The following ASAP2 variants were observed in gnomAD, a reference collection of about 807,000 sequenced individuals.
The protein encoded by ASAP2 is ArfGAP with SH3 domain, ankyrin repeat and PH domain 2.
In ASAP2, 45 loss-of-function variants were observed where a neutral mutation model predicts 131.4. That is an observed-to-expected ratio of 0.34 (90% CI 0.27 to 0.44). ASAP2 has a LOEUF of 0.44. ASAP2 is among the 20% of genes least tolerant of loss of function. The probability of loss-of-function intolerance (pLI) is 1.00; values close to 1 mark genes in which losing one functional copy is unlikely to be tolerated. For missense variants in ASAP2, 1,011 were observed against 1,297.0 expected, an observed-to-expected ratio of 0.78 and a Z score of 3.39; for synonymous variants, 510 against 503.0, an observed-to-expected ratio of 1.01 and a Z score of -0.19.
At position 9,376,868 on chromosome 2, in the gene ASAP2, T is replaced by G. The variant is rs761136797; in HGVS notation, c.1747-40T>G. Reference sequence around the variant, plus strand: ...CGGTGTTGGACACAGAATTGAATGCTCCCATTAGAATTCTGGAATGCCTTT... The same window carrying G: ...CGGTGTTGGACACAGAATTGAATGCGCCCATTAGAATTCTGGAATGCCTTT... On this transcript the variant is annotated intron_variant, in intron 17 of 27. Transcript: ENST00000281419. 3.2e-6 allele frequency: 5 copies of G among 1,556,556 alleles called. No homozygotes were observed. In the Admixed American group the frequency reaches 8.4e-5, roughly 26 times the overall value.
At chr2:9,257,986 T>C (rs1161838086) in intron 1 of ASAP2, among the ~76,000 whole-genome samples, 1 of 152,224 alleles carries the variant, frequency 6.6e-6, no homozygotes, top group Non-Finnish European at 1.5e-5. Flanking sequence ...TCATGTGCCA[T>C]AATCTGTGTG....
At chr2:9,366,123 G>A (rs940697017) in intron 15 of ASAP2, among the ~76,000 whole-genome samples, 2 of 152,120 alleles carry the variant, frequency 1.3e-5, no homozygotes, top group Non-Finnish European at 2.9e-5. Context: ...TTTTGTCGAT[G>A]GGTCTGGAGG....
chr2:9,371,033 G>T (rs1056398286), intron 16 of ASAP2, among the ~76,000 whole-genome samples: 1 of 152,214 alleles, frequency 6.6e-6, no homozygotes, highest in Non-Finnish European at 1.5e-5. Context: ...GGTACCTAAC[G>T]AAAGCAGGGC....
At chr2:9,223,222 G>A (rs564875234) in intron 1 of ASAP2, among the ~76,000 whole-genome samples, 16 of 152,182 alleles carry the variant, frequency 1.1e-4, no homozygotes, top group Non-Finnish European at 2.2e-4. Flanking sequence ...AGCAATGTTG[G>A]AAGGAGCTTA....
intron 2 of ASAP2, among the ~76,000 whole-genome samples, chr2:9,294,823 C>A (rs1668054288): frequency 6.6e-6 from 1 of 152,140 alleles, no homozygotes; most frequent in Admixed American, 6.6e-5. Context: ...CGGCCCAGCT[C>A]CCCTCCTTTG....
chr2:9,263,360 T>TG (rs1010832826), intron 1 of ASAP2, among the ~76,000 whole-genome samples: 4 of 152,140 alleles, frequency 2.6e-5, no homozygotes, highest in African/African-American at 7.2e-5. Flanking sequence ...CCAGGCTGGC[T>TG]GGGGGGGTCC....
chr2:9,244,250 C>T (rs1036817525), intron 1 of ASAP2, among the ~76,000 whole-genome samples: 7 of 152,092 alleles, frequency 4.6e-5, no homozygotes, highest in Non-Finnish European at 8.8e-5. Context: ...GAGCCAAGAT[C>T]GCGCCACTGC....
At position 9,391,103 on chromosome 2, in the gene ASAP2, T is replaced by C. The variant is rs779015334; in HGVS notation, c.2425T>C (p.Ser809Pro). Residue 809 changes from serine to proline, a missense_variant, in exon 23 of 28, where the codon TCT (serine) becomes CCT (proline). By Grantham distance (74) the Ser-to-Pro change is moderately conservative. Around this residue, in one of 2 missense-constraint regions of ASAP2, gnomAD observed 652 missense variants for 698.9 expected, o/e 0.93. Coordinates refer to ENST00000281419, the MANE Select transcript of ASAP2 (RefSeq NM_003887.3). ...TGCTAACACCCTGTGGAAGACAAACTCTGTAAGTGTGGACGGTGGAAGCCG... is the reference window on the plus strand; with the variant it reads ...TGCTAACACCCTGTGGAAGACAAACCCTGTAAGTGTGGACGGTGGAAGCCG... Reference protein sequence around the residue: ...SSANTLWKTNSVSVDGGSRQR... With the variant: ...SSANTLWKTNPVSVDGGSRQR... 6.2e-7 allele frequency: 1 copy of C among 1,614,242 alleles called. No individual in the cohort carries two copies. The highest frequency in any genetic ancestry group is 1.3e-5 in the African/African-American group (1 of 75,056).
Position 9,368,454 on chromosome 2 carries a change from T to C in ASAP2, c.1491T>C (p.Phe497=), listed in dbSNP as rs377105478. 1.2e-5 allele frequency: 20 copies of C among 1,614,048 alleles called. No homozygotes were observed. Among genetic ancestry groups the C allele is most frequent in the African/African-American group, 2.7e-5 (2 of 74,916 alleles). Residue 497 remains phenylalanine (F), a synonymous_variant, in exon 16 of 28, where the codon TTT becomes TTC. Transcript: ENST00000281419. ...LLAKNIGNAG[F]NEIMECCLPA... ...CCAAGAATATTGGGAATGCAGGCTTTAATGAGATCATGGAATGTTGCCTAC... is the reference window on the plus strand; with the variant it reads ...CCAAGAATATTGGGAATGCAGGCTTCAATGAGATCATGGAATGTTGCCTAC...
intron 3 of ASAP2, among the ~76,000 whole-genome samples, chr2:9,312,834 A>G (rs1669393792): frequency 6.6e-6 from 1 of 152,092 alleles, no homozygotes; most frequent in Admixed American, 6.5e-5. Flanking sequence ...GCTCCTTTAC[A>G]GTGGTCATCA....
chr2:9,224,305 C>G (rs1662618455), intron 1 of ASAP2, among the ~76,000 whole-genome samples: 1 of 152,092 alleles, frequency 6.6e-6, no homozygotes, highest in South Asian at 2.1e-4. Flanking sequence ...GTTTGCAGTT[C>G]TTAGTTTTCC....
chr2:9,397,727 G>GATATAT lies in ASAP2; in HGVS notation c.2685-2277_2685-2272dup, dbSNP rs200560260. Among the ~76,000 whole-genome samples the GATATAT allele has an allele frequency of 6.9e-4, 58 of 83,518 alleles. 1 individual carries two copies. The highest frequency in any genetic ancestry group is 2.6e-3 in the African/African-American group (34 of 12,984). 54.8% of individuals were successfully genotyped at this position (83,518 alleles called of 152,430 possible). The stretch of plus-strand genomic sequence containing the variant: ...TTGGTTGGGAAAAAAAAATCAAAAG[G>GATATAT]ATATATATATATATATATATATATT... On this transcript the variant is annotated intron_variant, in intron 24 of 27. Transcript: ENST00000281419.
chr2:9,399,063 C>G (rs1458825024), intron 24 of ASAP2: 1 of 152,164 alleles, frequency 6.6e-6, no homozygotes, highest in Non-Finnish European at 1.5e-5. Context: ...TGGAATAAAA[C>G]AAAGTTCCTT....
intron 1 of ASAP2, among the ~76,000 whole-genome samples, chr2:9,254,809 G>C (rs988898925): frequency 6.6e-6 from 1 of 152,042 alleles, no homozygotes; most frequent in African/African-American, 2.4e-5. Context: ...GGTACTACTT[G>C]TTATCAGTTC....
chr2:9,243,250 A>G (rs1664102900), intron 1 of ASAP2, among the ~76,000 whole-genome samples: 1 of 152,154 alleles, frequency 6.6e-6, no homozygotes, highest in Non-Finnish European at 1.5e-5. Context: ...CTGGGACTAC[A>G]GGCACCCGCC....
At chr2:9,366,018 T>C (rs1282883435) in intron 15 of ASAP2, among the ~76,000 whole-genome samples, 1 of 152,170 alleles carries the variant, frequency 6.6e-6, no homozygotes, top group African/African-American at 2.4e-5. Context: ...AAGCAGGAGA[T>C]GCCAGGGCTC....
At chr2:9,371,231 T>A (rs1451109890) in intron 16 of ASAP2, among the ~76,000 whole-genome samples, 3 of 152,224 alleles carry the variant, frequency 2.0e-5, no homozygotes, top group Non-Finnish European at 1.5e-5. Context: ...TGGCGAAACA[T>A]CAGCTACTTC....
At chr2:9,294,192 T>G (rs2148379834) in intron 2 of ASAP2, among the ~76,000 whole-genome samples, 2 of 152,074 alleles carry the variant, frequency 1.3e-5, no homozygotes, top group Non-Finnish European at 2.9e-5. Flanking sequence ...AGAGACAGCG[T>G]TTCATCATGT....
At chr2:9,270,785 A>ATTTTTTTTCTTTTTTTTTTTTTTTTT (rs1666300885) in intron 1 of ASAP2, among the ~76,000 whole-genome samples, 1 of 52,924 alleles carries the variant, frequency 1.9e-5, no homozygotes, top group Non-Finnish European at 3.5e-5. Flanking sequence ...AATTGTTTTC[A>ATTTTTTTTCTTTTTTTTTTTTTTTTT]TTTTTTTTTT....
Sources: allele counts gnomAD v4.1 joint callset (sites outside exome capture counted in the v4.1 genomes callset), GRCh38; gene constraint gnomAD v4.1.1; regional missense constraint gnomAD v4.1.1; transcripts MANE v1.5; gene names NCBI Gene and HGNC (gene_info 2026-07-23, HGNC 2026-07-21).